Variants in RUBCNL observed in about 807,000 individuals in gnomAD.
RUBCNL encodes protein associated with UVRAG as autophagy enhancer.
RUBCNL carries 62 observed loss-of-function variants against 69.5 expected under a neutral mutation model. The ratio of observed to expected loss-of-function variants is 0.89; its 90% CI spans 0.73 to 1.10. The LOEUF (loss-of-function observed/expected upper bound fraction) is 1.10, where lower values mean the gene tolerates loss of function less well. Among genes scored for constraint, RUBCNL ranks in the 50% least tolerant of loss-of-function variants. The pLI, the probability that RUBCNL is intolerant of heterozygous loss-of-function variation, is 0.00. For synonymous variants in RUBCNL, 291 were observed against 303.6 expected, an observed-to-expected ratio of 0.96 and a Z score of 0.43; for missense variants, 768 against 798.1, an observed-to-expected ratio of 0.96 and a Z score of 0.45.
rs1456856504 is a variant in RUBCNL, at chr13:46,335,530, TAGG to T, written c.*7852_*7854del. Reference sequence around the variant, plus strand: ...GAGGGGCAAGTGTGGAAAGAGGAGATAGGAGGTTTTTAATTAGGTTGAACCACA... The same window carrying T: ...GAGGGGCAAGTGTGGAAAGAGGAGATAGGTTTTTAATTAGGTTGAACCACA... On this transcript the variant is annotated 3_prime_UTR_variant, in exon 15 of 15. Coordinates refer to ENST00000429979, the MANE Select transcript of RUBCNL (RefSeq NM_025113.5). 1.3e-5 allele frequency among the ~76,000 whole-genome samples: 2 copies of T among 152,122 alleles called. No homozygotes were observed. Among genetic ancestry groups the T allele is most frequent in the Non-Finnish European group, 2.9e-5 (2 of 68,026 alleles).
In RUBCNL at chr13:46,359,494, T is replaced by C. The variant is rs1395783157; in HGVS notation, c.1257A>G (p.Pro419=). Residue 419 remains proline (P), a synonymous_variant, in exon 9 of 15, where the codon CCA becomes CCG. Transcript: ENST00000429979. ...PRFQIIFNIH[P]PLKRDLVVAA... ...CAACAGCCCATACTTACTTGAGTGGTGGATGAATATTAAATATGATTTGAA... is the reference window on the plus strand; with the variant it reads ...CAACAGCCCATACTTACTTGAGTGGCGGATGAATATTAAATATGATTTGAA... 1 of 1,603,280 alleles carries C rather than the reference T, an allele frequency of 6.2e-7. No individual in the cohort carries two copies. The highest frequency in any genetic ancestry group is 2.2e-5 in the East Asian group (1 of 44,682).
intron 14 of RUBCNL, 42 bp downstream of exon 14, chr13:46,344,695 ATTAG>A (rs780386492): frequency 4.4e-5 from 55 of 1,263,344 alleles, no homozygotes; most frequent in Non-Finnish European, 5.6e-5. Flanking sequence ...ACTTAGTTTA[ATTAG>A]TTAACCTATT....
At position 46,343,271 on chromosome 13, in the gene RUBCNL, T is replaced by C. The variant is rs1291511410; in HGVS notation, c.*114A>G. The C allele has an allele frequency of 7.4e-6, 11 of 1,489,702 alleles. No individual in the cohort carries two copies. In the East Asian group the frequency reaches 2.2e-4, roughly 30 times the overall value. The allele number at this position is 1,489,702 out of a possible 1,614,324, so 92.3% of individuals were successfully genotyped here. A position where few individuals can be genotyped will look rare whatever the true frequency, so the allele number is the denominator to read the frequency against. On this transcript the variant is annotated 3_prime_UTR_variant, in exon 15 of 15. Coordinates refer to ENST00000429979, the MANE Select transcript of RUBCNL (RefSeq NM_025113.5). Reference sequence around the variant, plus strand: ...TATGCAATAAAGAGAATATAGACCATCTTTTTCCTTAATATACAATACCCA... The same window carrying C: ...TATGCAATAAAGAGAATATAGACCACCTTTTTCCTTAATATACAATACCCA...
In RUBCNL at chr13:46,345,435, G is replaced by A. The variant is rs748805099; in HGVS notation, c.1785+12C>T. The A allele has an allele frequency of 2.1e-5, 32 of 1,553,750 alleles. No homozygotes were observed. Among genetic ancestry groups the A allele is most frequent in the Admixed American group, 3.9e-5 (2 of 51,092 alleles). ...TGCATCGGGAACGAATCTGCTCTGG[G>A]TGCACCCTCACCTCACAGCCAGCCA... On this transcript the variant is annotated intron_variant, in intron 13 of 14. Coordinates refer to ENST00000429979, the MANE Select transcript of RUBCNL (RefSeq NM_025113.5).
chr13:46,336,583 A>G lies in RUBCNL; in HGVS notation c.*6802T>C, dbSNP rs1470387655. ...AGACTTTTTTATTTTATTATATTTT[A>G]TTATAAAACAGTATTCTCTTTTGTT... On this transcript the variant is annotated 3_prime_UTR_variant, in exon 15 of 15. Transcript: ENST00000429979. Among the ~76,000 whole-genome samples the G allele has an allele frequency of 1.3e-5, 2 of 152,078 alleles. No homozygotes were observed. Among genetic ancestry groups the G allele is most frequent in the African/African-American group, 4.8e-5 (2 of 41,412 alleles).
intron 12 of RUBCNL, 35 bp downstream of exon 12, chr13:46,349,251 G>A: frequency 6.3e-7 from 1 of 1,595,262 alleles, no homozygotes; most frequent in Non-Finnish European, 8.6e-7. Context: ...CAGATGTATG[G>A]AGGGAAGGCA....
At chr13:46,371,827 T>C in intron 3 of RUBCNL, 114 bp downstream of exon 3, 1 of 1,084,722 alleles carries the variant, frequency 9.2e-7, no homozygotes, top group Non-Finnish European at 1.3e-6. Flanking sequence ...CTGCTGACAA[T>C]ATTAGATGAG....
At chr13:46,389,041 G>A (rs995940295), upstream of RUBCNL, among the ~76,000 whole-genome samples, 3 of 152,212 alleles carry the variant, frequency 2.0e-5, no homozygotes, top group African/African-American at 7.2e-5. This position sits in a 1 kb window ranked among gnomAD's most constrained non-coding sequence, Gnocchi z 4.2. Flanking sequence ...GCTGAAGGCC[G>A]ATTGGGAAGG....
At position 46,361,569 on chromosome 13, in the gene RUBCNL, TGACACTGAAATGTAAGA is replaced by T; in HGVS notation, c.987-13_990del. The T allele has an allele frequency of 1.3e-6, 2 of 1,597,490 alleles. No homozygotes were observed. The highest frequency in any genetic ancestry group is 1.7e-6 in the Non-Finnish European group (2 of 1,171,404). On this transcript the variant is annotated splice_acceptor_variant and splice_polypyrimidine_tract_variant and coding_sequence_variant and intron_variant, in exon 8 of 15. Transcript: ENST00000429979. LOFTEE classifies it high-confidence loss of function. ...GCAGAATTGAAGTCTGGCTCATAAG[TGACACTGAAATGTAAGA>T]GATGCAAATACTGGAAAACTATATT...
chr13:46,352,989 A>C (rs1036952721), intron 10 of RUBCNL, among the ~76,000 whole-genome samples: 1 of 152,184 alleles, frequency 6.6e-6, no homozygotes, highest in Non-Finnish European at 1.5e-5. Context: ...ATGAAAGCAC[A>C]AGACACTGAA....
At chr13:46,365,238 G>A (rs957265827) in intron 5 of RUBCNL, among the ~76,000 whole-genome samples, 2 of 149,040 alleles carry the variant, frequency 1.3e-5, no homozygotes, top group East Asian at 3.9e-4. Flanking sequence ...GGGAGGTAGA[G>A]GTTGCTGTGA....
rs952503462 is a variant in RUBCNL at position 46,380,140 on chromosome 13, G to A, written c.-238-2135C>T. Among the ~76,000 whole-genome samples the A allele has an allele frequency of 2.0e-5, 3 of 152,326 alleles. No homozygotes were observed. In the East Asian group the frequency reaches 5.8e-4, roughly 29 times the overall value. Reference sequence around the variant, plus strand: ...GCCTTTGGTAATGACCATTAATTTTGAAGGTTTGCTGTCAGAAGAACACAA... The same window carrying A: ...GCCTTTGGTAATGACCATTAATTTTAAAGGTTTGCTGTCAGAAGAACACAA... On this transcript the variant is annotated intron_variant, in intron 1 of 14. Transcript: ENST00000429979.
At position 46,363,948 on chromosome 13, in the gene RUBCNL, T is replaced by C. The variant is rs542233700; in HGVS notation, c.827-735A>G. The stretch of plus-strand genomic sequence containing the variant: ...TTAATACTATTAATAATACTGATAA[T>C]AGCATTAATAATCATTATTATATTA... On this transcript the variant is annotated intron_variant, in intron 5 of 14. Coordinates refer to ENST00000429979, the MANE Select transcript of RUBCNL (RefSeq NM_025113.5). Among the ~76,000 whole-genome samples the C allele has an allele frequency of 1.7e-3, 256 of 148,146 alleles. 1 individual carries two copies. Among genetic ancestry groups the C allele is most frequent in the African/African-American group, 6.1e-3 (245 of 40,052 alleles).
In RUBCNL at chr13:46,372,439, C is replaced by A. The variant is rs1175545069; in HGVS notation, c.37G>T (p.Val13Leu). The change falls in exon 3 of 15, where the codon GTG (valine) becomes TTG (leucine). Residue 13 changes from valine (V) to leucine (L), a missense_variant. Coordinates refer to ENST00000429979, the MANE Select transcript of RUBCNL (RefSeq NM_025113.5). Reference sequence around the variant, plus strand: ...TCGCTGATCCCTTCCCAGGGCTCCACAGGAGAATCCTGCCTGACTGTAGAT... The same window carrying A: ...TCGCTGATCCCTTCCCAGGGCTCCAAAGGAGAATCCTGCCTGACTGTAGAT... ...SQSTVRQDSP[V>L]EPWEGISDHS... The A allele has an allele frequency of 6.2e-7, 1 of 1,610,880 alleles. No individual in the cohort carries two copies. The highest frequency in any genetic ancestry group is 1.1e-5 in the South Asian group (1 of 90,410).
chr13:46,387,922 C>G (rs2049284770), upstream of RUBCNL: 1 of 924,670 alleles, frequency 1.1e-6, no homozygotes, highest in Non-Finnish European at 1.3e-6. Context: ...GAAACCTAAG[C>G]TCTGGCCGGG....
intron 1 of RUBCNL, among the ~76,000 whole-genome samples, chr13:46,386,184 C>T (rs370633553): frequency 2.0e-5 from 3 of 152,228 alleles, no homozygotes; most frequent in East Asian, 3.9e-4. Context: ...ACCTTCTAAA[C>T]CACACAGTGG....
Position 46,363,171 on chromosome 13 carries a change from G to A in RUBCNL, c.869C>T (p.Thr290Ile). 6.2e-7 allele frequency: 1 copy of A among 1,600,754 alleles called. No individual in the cohort carries two copies. Among genetic ancestry groups the A allele is most frequent in the South Asian group, 1.1e-5 (1 of 89,670 alleles). ...GCAAATCTCTTTCACATCATGGTAA[G>A]TACGTGTTTCAGTCACTGGGCTGAC... is the stretch of plus-strand genomic sequence containing the variant. ...LQVSPVTETR[T>I]YHDVKEICKC... Residue 290 changes from threonine (T) to isoleucine (I), a missense_variant, in exon 6 of 15, where the codon ACT becomes ATT. Physicochemically the swap from Thr to Ile is moderately conservative, Grantham distance 89 (BLOSUM62 -1). Transcript: ENST00000429979.
chr13:46,382,327 A>G (rs2049135961), intron 1 of RUBCNL, among the ~76,000 whole-genome samples: 2 of 152,164 alleles, frequency 1.3e-5, no homozygotes, highest in Non-Finnish European at 2.9e-5. Context: ...TAAAAGGAGA[A>G]GTAGAGAGTA....
At chr13:46,375,390 G>T (rs1223649934) in intron 2 of RUBCNL, among the ~76,000 whole-genome samples, 1 of 152,138 alleles carries the variant, frequency 6.6e-6, no homozygotes, top group Admixed American at 6.6e-5. Flanking sequence ...AAAATTAGCT[G>T]GGCGTGGTGG....
Sources: gnomAD v4.1 joint callset for allele counts (sites outside exome capture counted in the v4.1 genomes callset) on GRCh38, gnomAD v4.1.1 for gene constraint, Gnocchi (gnomAD v3.1) non-coding constraint, MANE v1.5 for transcripts, NCBI Gene and HGNC (gene_info 2026-07-23, HGNC 2026-07-21) for gene names.